Variants in CCDC7 observed in about 807,000 individuals in gnomAD.
The protein encoded by CCDC7 is coiled-coil domain containing 7, also known as coiled-coil domain-containing protein 7.
CCDC7 carries 183 observed loss-of-function variants against 196.9 expected under a neutral mutation model. That is an observed-to-expected ratio of 0.93 (90% CI 0.82 to 1.05). The LOEUF (loss-of-function observed/expected upper bound fraction) is 1.05, where lower values mean the gene tolerates loss of function less well. CCDC7 is among the 50% of genes least tolerant of loss of function. The pLI is 0.00. For missense variants in CCDC7, 1,540 were observed against 1,482.2 expected, an observed-to-expected ratio of 1.04 and a Z score of -0.64; for synonymous variants, 525 against 484.6, an observed-to-expected ratio of 1.08 and a Z score of -1.10.
At chr10:32,680,887 G>C (rs1429317428) in intron 21 of CCDC7, among the ~76,000 whole-genome samples, 1 of 152,104 alleles carries the variant, frequency 6.6e-6, no homozygotes, top group Non-Finnish European at 1.5e-5. Context: ...AGAGAATTTG[G>C]GGAAAATTTC....
chr10:32,762,259 G>A (rs922891337), intron 28 of CCDC7, among the ~76,000 whole-genome samples: 1 of 151,820 alleles, frequency 6.6e-6, no homozygotes, highest in African/African-American at 2.4e-5. Flanking sequence ...GCCTGGAGAA[G>A]AGAGAACAAA....
intron 11 of CCDC7, among the ~76,000 whole-genome samples, chr10:32,534,200 A>T (rs935189782): frequency 8.6e-5 from 13 of 151,998 alleles, no homozygotes; most frequent in Non-Finnish European, 2.9e-5. Context: ...GCCTCTAATG[A>T]GTTCTTCAGT....
intron 41 of CCDC7, among the ~76,000 whole-genome samples, chr10:32,867,581 C>A (rs2094248742): frequency 1.3e-5 from 2 of 151,002 alleles, no homozygotes; most frequent in Admixed American, 1.3e-4. Flanking sequence ...ATACAAAAAG[C>A]TTCTATGAAA....
intron 21 of CCDC7, among the ~76,000 whole-genome samples, chr10:32,667,128 G>A (rs2140547104): frequency 6.6e-6 from 1 of 152,306 alleles, no homozygotes; most frequent in Admixed American, 6.5e-5. Context: ...GATGGCCAGT[G>A]ATGATGAGCA....
chr10:32,505,943 A>G (rs1374295915), intron 9 of CCDC7, among the ~76,000 whole-genome samples: 2 of 146,900 alleles, frequency 1.4e-5, no homozygotes, highest in African/African-American at 5.1e-5. Flanking sequence ...GGTGCTCCTC[A>G]CATCCCAGAC....
At chr10:32,633,624 G>C (rs956849738) in intron 18 of CCDC7, among the ~76,000 whole-genome samples, 1 of 149,708 alleles carries the variant, frequency 6.7e-6, no homozygotes, top group Non-Finnish European at 1.5e-5. Context: ...TCCTCAGTAG[G>C]TTCACTTATT....
upstream of CCDC7, among the ~76,000 whole-genome samples, chr10:32,449,115 GT>G: frequency 6.6e-6 from 1 of 152,004 alleles, no homozygotes; most frequent in East Asian, 1.9e-4. Context: ...CTCTTTCTGT[GT>G]GTTTATGTAT....
chr10:32,497,316 A>G (rs1484627299), intron 9 of CCDC7, among the ~76,000 whole-genome samples: 1 of 151,948 alleles, frequency 6.6e-6, no homozygotes, highest in Non-Finnish European at 1.5e-5. Context: ...CAGTCTATCT[A>G]TTTTGTTGAT....
At chr10:32,685,943 T>G (rs1201999354) in intron 21 of CCDC7, 27 bp from the exon 23 acceptor site, 1 of 1,061,332 alleles carries the variant, frequency 9.4e-7, no homozygotes, top group Non-Finnish European at 1.3e-6. Context: ...TTCTATTTAG[T>G]GGAATAAATG....
intron 18 of CCDC7, among the ~76,000 whole-genome samples, chr10:32,598,674 C>T (rs2060677604): frequency 6.6e-6 from 1 of 152,084 alleles, no homozygotes; most frequent in South Asian, 2.1e-4. Context: ...TTGTGGGACC[C>T]ATTGGTAGTT....
intron 31 of CCDC7, among the ~76,000 whole-genome samples, chr10:32,817,875 G>A (rs1158825172): frequency 2.0e-5 from 3 of 152,118 alleles, no homozygotes; most frequent in Non-Finnish European, 2.9e-5. Context: ...ACCAGCCACG[G>A]CAAAAACATG....
At chr10:32,721,854 G>A (rs544714604) in intron 25 of CCDC7, among the ~76,000 whole-genome samples, 2 of 152,174 alleles carry the variant, frequency 1.3e-5, no homozygotes, top group African/African-American at 2.4e-5. Flanking sequence ...CAGGGACATG[G>A]ATATTGAAAA....
At chr10:32,786,055 A>G (rs2081817908) in intron 29 of CCDC7, among the ~76,000 whole-genome samples, 1 of 152,196 alleles carries the variant, frequency 6.6e-6, no homozygotes, top group Non-Finnish European at 1.5e-5. Flanking sequence ...AATTAACTGC[A>G]AATACTGTGA....
chr10:32,526,658 A>C (rs1229673913), intron 11 of CCDC7, among the ~76,000 whole-genome samples: 1 of 152,010 alleles, frequency 6.6e-6, no homozygotes, highest in Non-Finnish European at 1.5e-5. Context: ...CTTCACTTCA[A>C]GGCAGCATGC....
rs1265374820 is a variant in CCDC7 at position 32,724,010 on chromosome 10, GTC to G, written c.2570-2718_2570-2717del. 2.0e-5 allele frequency among the ~76,000 whole-genome samples: 3 copies of G among 151,892 alleles called. No individual in the cohort carries two copies. In the East Asian group the frequency reaches 5.8e-4, roughly 29 times the overall value. On this transcript the variant is annotated intron_variant, in intron 25 of 41. Transcript: ENST00000639629. ...GGATTGCTTCCCCAGCTTTCCTAGAGTCTCTCTTTTGGATTTATAATTTAACC... is the reference window on the plus strand; with the variant it reads ...GGATTGCTTCCCCAGCTTTCCTAGAGTCTCTTTTGGATTTATAATTTAACC...
At chr10:32,495,117 G>A (rs2042715089) in intron 9 of CCDC7, among the ~76,000 whole-genome samples, 1 of 152,132 alleles carries the variant, frequency 6.6e-6, no homozygotes, top group African/African-American at 2.4e-5. Flanking sequence ...TCTCATTGTG[G>A]TTTTGATTTG....
intron 18 of CCDC7, among the ~76,000 whole-genome samples, chr10:32,634,046 A>G (rs1157189084): frequency 2.0e-5 from 3 of 152,106 alleles, no homozygotes; most frequent in East Asian, 1.9e-4. Context: ...CCTACTTAAC[A>G]TTATGCCTGG....
At chr10:32,804,075 T>C (rs2085337349) in intron 29 of CCDC7, among the ~76,000 whole-genome samples, 1 of 152,192 alleles carries the variant, frequency 6.6e-6, no homozygotes, top group Non-Finnish European at 1.5e-5. Context: ...GAAAAAGACA[T>C]CCATCTATTA....
intron 29 of CCDC7, among the ~76,000 whole-genome samples, chr10:32,802,171 G>A (rs573833071): frequency 8.5e-5 from 13 of 152,222 alleles, no homozygotes; most frequent in South Asian, 6.2e-4. Context: ...TTCTAGAGCC[G>A]GGAGATAGAA....
Sources: allele counts gnomAD v4.1 joint callset (sites outside exome capture counted in the v4.1 genomes callset), GRCh38; gene constraint gnomAD v4.1.1; transcripts MANE v1.5; gene names NCBI Gene and HGNC (gene_info 2026-07-23, HGNC 2026-07-21).